Variants in AGAP1 observed in about 807,000 individuals in gnomAD.
The protein encoded by AGAP1 is arf-GAP with GTPase, ANK repeat and PH domain-containing protein 1.
Under a neutral mutation model 105.3 loss-of-function variants are expected in AGAP1, and 29 were observed. The ratio of observed to expected loss-of-function variants is 0.28; its 90% confidence interval spans 0.21 to 0.38. The LOEUF is 0.38. Ranked by LOEUF, AGAP1 falls within the 10% of genes least tolerant of loss-of-function variation. The pLI is 1.00. For synonymous variants in AGAP1, 509 were observed against 485.9 expected, an observed-to-expected ratio of 1.05 and a Z score of -0.63; for missense variants, 998 against 1,165.1, an observed-to-expected ratio of 0.86 and a Z score of 2.09.
At chr2:235,681,342 C>G (rs1179610436) in intron 1 of AGAP1, among the ~76,000 whole-genome samples, 1 of 152,146 alleles carries the variant, frequency 6.6e-6, no homozygotes, top group Non-Finnish European at 1.5e-5. Flanking sequence ...TATGACCCTT[C>G]TTACGCGCCT....
chr2:235,609,725 T>G lies in AGAP1; in HGVS notation c.164-99454T>G, dbSNP rs1049465619. Among the ~76,000 whole-genome samples, 7 of 152,064 alleles carry G rather than the reference T, an allele frequency of 4.6e-5. No individual in the cohort carries two copies. The highest frequency in any genetic ancestry group is 1.2e-4 in the African/African-American group (5 of 41,432). The stretch of plus-strand genomic sequence containing the variant: ...ACAGGAGCTCTGGAGGTCTTCTGTT[T>G]GCTGTTGTATGCTGTGGCTCAGAAG... On this transcript the variant is annotated intron_variant, in intron 1 of 17. Coordinates refer to ENST00000304032, the MANE Select transcript of AGAP1 (RefSeq NM_001037131.3). The surrounding 1 kb of genome is among the most constrained non-coding windows in gnomAD (Gnocchi z 5.1).
intron 9 of AGAP1, among the ~76,000 whole-genome samples, chr2:235,823,395 C>G (rs923544586): frequency 6.6e-6 from 1 of 152,100 alleles, no homozygotes; most frequent in East Asian, 1.9e-4. Context: ...TTATCCTCTC[C>G]GAGTAGCTGG....
chr2:235,733,682 G>GC lies in AGAP1; in HGVS notation c.311-7279dup, dbSNP rs1952078042. On this transcript the variant is annotated intron_variant, in intron 3 of 17. Transcript: ENST00000304032. This position sits in a 1 kb window ranked among gnomAD's most constrained non-coding sequence, Gnocchi z 5.0. ...TTAAATGAAACCATGAGAGACCGTG[G>GC]CCTGCCCAAGGAAATCGTGTTAAGT... Among the ~76,000 whole-genome samples, 1 of 152,124 alleles carries GC rather than the reference G, an allele frequency of 6.6e-6. No homozygotes were observed. The highest frequency in any genetic ancestry group is 1.5e-5 in the Non-Finnish European group (1 of 68,032).
chr2:235,840,494 A>G (rs1960689924), intron 9 of AGAP1, among the ~76,000 whole-genome samples: 1 of 152,216 alleles, frequency 6.6e-6, no homozygotes, highest in Non-Finnish European at 1.5e-5. Context: ...GTGGTGGGTC[A>G]GATCTCAATA....
At chr2:235,677,580 C>G (rs1245784725) in intron 1 of AGAP1, among the ~76,000 whole-genome samples, 2 of 152,080 alleles carry the variant, frequency 1.3e-5, no homozygotes, top group African/African-American at 2.4e-5. Context: ...GTGGTCAACA[C>G]ACAGGAATGC....
chr2:235,718,605 T>C (rs1951233724), intron 3 of AGAP1, among the ~76,000 whole-genome samples: 1 of 152,210 alleles, frequency 6.6e-6, no homozygotes, highest in Non-Finnish European at 1.5e-5. Context: ...CTGTTCCCTG[T>C]AACACCTGTC....
rs897540826 is a variant in AGAP1, at chr2:235,970,029, C to T, written c.1645+1406C>T. Reference sequence around the variant, plus strand: ...CCAGCCTGGCCAACATGATGAAACTCTGTCTCTACTAAAAATACAAAAATT... The same window carrying T: ...CCAGCCTGGCCAACATGATGAAACTTTGTCTCTACTAAAAATACAAAAATT... On this transcript the variant is annotated intron_variant, in intron 13 of 17. Coordinates refer to ENST00000304032, the MANE Select transcript of AGAP1 (RefSeq NM_001037131.3). The surrounding 1 kb of genome is among the most constrained non-coding windows in gnomAD (Gnocchi z 5.4). Among the ~76,000 whole-genome samples, 21 of 151,992 alleles carry T rather than the reference C, an allele frequency of 1.4e-4. No homozygotes were observed. Among genetic ancestry groups the T allele is most frequent in the African/African-American group, 4.8e-4 (20 of 41,406 alleles).
chr2:235,523,099 C>T (rs891284303), intron 1 of AGAP1, among the ~76,000 whole-genome samples: 9 of 152,226 alleles, frequency 5.9e-5, no homozygotes, highest in Middle Eastern at 3.4e-3. Context: ...GGCTTACACA[C>T]GGCTGCCTTC....
chr2:235,636,758 G>A (rs1451784710), intron 1 of AGAP1, among the ~76,000 whole-genome samples: 1 of 152,168 alleles, frequency 6.6e-6, no homozygotes, highest in Non-Finnish European at 1.5e-5. Flanking sequence ...TCTCAGAATG[G>A]AAATAAGGTC....
chr2:235,579,185 C>T (rs1422980783), intron 1 of AGAP1, among the ~76,000 whole-genome samples: 1 of 152,168 alleles, frequency 6.6e-6, no homozygotes, highest in Non-Finnish European at 1.5e-5. Context: ...CAGCCCCTGC[C>T]CACTGAGGGC....
At chr2:236,066,731 G>C (rs184444314) in intron 16 of AGAP1, among the ~76,000 whole-genome samples, 2 of 152,316 alleles carry the variant, frequency 1.3e-5, no homozygotes. Flanking sequence ...AATCAATTCA[G>C]TTGGTTTTGA....
In AGAP1 at chr2:235,887,723, C is replaced by T. The variant is rs920478625; in HGVS notation, c.1155+4274C>T. Among the ~76,000 whole-genome samples, 3 of 152,112 alleles carry T rather than the reference C, an allele frequency of 2.0e-5. No homozygotes were observed. Among genetic ancestry groups the T allele is most frequent in the Non-Finnish European group, 4.4e-5 (3 of 68,020 alleles). On this transcript the variant is annotated intron_variant, in intron 10 of 17. Transcript: ENST00000304032. The surrounding 1 kb of genome is among the most constrained non-coding windows in gnomAD (Gnocchi z 4.1). ...TTTTAGTTTTCTACAAAGATGTAAA[C>T]GGGTATCAATAGTGAGGTTGCTGCA...
At chr2:235,698,413 A>T (rs1358899104) in intron 1 of AGAP1, among the ~76,000 whole-genome samples, 1 of 152,142 alleles carries the variant, frequency 6.6e-6, no homozygotes, top group Non-Finnish European at 1.5e-5. Context: ...TAAGACAAAT[A>T]GCTGTCTACT....
chr2:236,031,722 A>T (rs1250896102), intron 13 of AGAP1, among the ~76,000 whole-genome samples: 2 of 151,826 alleles, frequency 1.3e-5, no homozygotes, highest in African/African-American at 4.8e-5. Flanking sequence ...GGTCTCCATC[A>T]TTTTTTTCTG....
chr2:235,938,568 C>T (rs1202241974), intron 12 of AGAP1, among the ~76,000 whole-genome samples: 2 of 152,178 alleles, frequency 1.3e-5, no homozygotes, highest in African/African-American at 4.8e-5. Flanking sequence ...GCTCAACAAA[C>T]CAACAGTACA....
chr2:236,096,862 G>A lies in AGAP1; in HGVS notation c.2115-23330G>A, dbSNP rs1191498565. 6.6e-6 allele frequency among the ~76,000 whole-genome samples: 1 copy of A among 152,126 alleles called. No individual in the cohort carries two copies. The highest frequency in any genetic ancestry group is 1.5e-5 in the Non-Finnish European group (1 of 68,026). Reference sequence around the variant, plus strand: ...CCCAAAGTGCTGGGATTACAGGCGTGAGCCACCCTGCCGGGCCAAATGATG... The same window carrying A: ...CCCAAAGTGCTGGGATTACAGGCGTAAGCCACCCTGCCGGGCCAAATGATG... On this transcript the variant is annotated intron_variant, in intron 16 of 17. Transcript: ENST00000304032. The surrounding 1 kb of genome is among the most constrained non-coding windows in gnomAD (Gnocchi z 4.4).
At chr2:235,649,880 T>A (rs1005364625) in intron 1 of AGAP1, among the ~76,000 whole-genome samples, 54 of 152,268 alleles carry the variant, frequency 3.5e-4, no homozygotes, top group Non-Finnish European at 1.5e-5. Flanking sequence ...ATGGGCTGGC[T>A]TCCCTTATTT....
intron 13 of AGAP1, among the ~76,000 whole-genome samples, chr2:235,984,608 C>G (rs182225282): frequency 6.6e-6 from 1 of 152,038 alleles, no homozygotes; most frequent in Admixed American, 6.5e-5. Context: ...CCCTCACCCC[C>G]GACCCCCAAA....
Position 235,709,162 on chromosome 2 carries a change from GTCC to G in AGAP1, c.164-11_164-9del, listed in dbSNP as rs772780880. 11 of 1,613,928 alleles carry G rather than the reference GTCC, an allele frequency of 6.8e-6. No individual in the cohort carries two copies. The South Asian group carries it at 1.2e-4, about 18-fold the overall frequency. On this transcript the variant is annotated splice_polypyrimidine_tract_variant and intron_variant, in intron 1 of 17. Coordinates refer to ENST00000304032, the MANE Select transcript of AGAP1 (RefSeq NM_001037131.3). Reference sequence around the variant, plus strand: ...CGTGAGTTATGGTGTCTGACTTTGTGTCCTCCTCTTTTTCAGATGCCTTCGTGA... The same window carrying G: ...CGTGAGTTATGGTGTCTGACTTTGTGTCCTCTTTTTCAGATGCCTTCGTGA...
Sources: allele counts gnomAD v4.1 joint callset (sites outside exome capture counted in the v4.1 genomes callset), GRCh38; gene constraint gnomAD v4.1.1; non-coding constraint Gnocchi (gnomAD v3.1); transcripts MANE v1.5; gene names NCBI Gene and HGNC (gene_info 2026-07-23, HGNC 2026-07-21).